CDH23: variants seen among roughly 807,000 people sequenced by gnomAD.
CDH23 encodes the protein cadherin-23.
A neutral mutation model predicts 317.1 loss-of-function variants in CDH23; 189 were observed. That is an observed-to-expected ratio of 0.60 (90% CI 0.53 to 0.67). The LOEUF (loss-of-function observed/expected upper bound fraction) is 0.67. CDH23 is among the 30% of genes least tolerant of loss of function. CDH23 has a pLI of 0.00. For missense variants in CDH23, 4,401 were observed against 4,592.4 expected, an observed-to-expected ratio of 0.96 and a Z score of 1.20; for synonymous variants, 1,839 against 1,876.8, an observed-to-expected ratio of 0.98 and a Z score of 0.52.
At position 71,397,294 on chromosome 10, in the gene CDH23, C is replaced by A. The variant is rs113278321; in HGVS notation, c.-30C>A. 5.9e-5 allele frequency: 8 copies of A among 135,332 alleles called. No homozygotes were observed. Among genetic ancestry groups the A allele is most frequent in the South Asian group, 1.3e-4 (1 of 7,552 alleles). 8.4% of individuals were successfully genotyped at this position (135,332 alleles called of 1,614,324 possible). A position where few individuals can be genotyped will look rare whatever the true frequency, so the allele number is the denominator to read the frequency against. Reference sequence around the variant, plus strand: ...GCAGAGCCCGAGGCGAGGCGAGGCGCGGCGCCGCTGCACACACGCACACGG... The same window carrying A: ...GCAGAGCCCGAGGCGAGGCGAGGCGAGGCGCCGCTGCACACACGCACACGG... On this transcript the variant is annotated 5_prime_UTR_variant, in exon 1 of 70. Transcript: ENST00000224721. This position sits in a 1 kb window ranked among gnomAD's most constrained non-coding sequence, Gnocchi z 4.8.
At chr10:71,541,326 G>A (rs969838037) in intron 6 of CDH23, among the ~76,000 whole-genome samples, 3 of 152,156 alleles carry the variant, frequency 2.0e-5, no homozygotes, top group South Asian at 2.1e-4. Context: ...ACAGCCACAC[G>A]GTCACCTGCC....
intron 1 of CDH23, among the ~76,000 whole-genome samples, chr10:71,427,713 C>CTT (rs1287974246): frequency 3.7e-5 from 5 of 133,770 alleles, no homozygotes; most frequent in Non-Finnish European, 1.6e-5. Flanking sequence ...TCTATGCTTA[C>CTT]TTTTTTTTTT....
chr10:71,531,279 C>G (rs1855361207), intron 6 of CDH23, among the ~76,000 whole-genome samples: 1 of 152,166 alleles, frequency 6.6e-6, no homozygotes, highest in Non-Finnish European at 1.5e-5. Flanking sequence ...CAAGACTCCC[C>G]CAGCTGCGGA....
At chr10:71,528,726 A>G (rs1855185252) in intron 6 of CDH23, among the ~76,000 whole-genome samples, 1 of 152,186 alleles carries the variant, frequency 6.6e-6, no homozygotes, top group Admixed American at 6.5e-5. Context: ...AGGCCCCCAG[A>G]ACCCTGTTCC....
chr10:71,633,150 TC>T (rs2132557632), intron 11 of CDH23, among the ~76,000 whole-genome samples: 2 of 152,098 alleles, frequency 1.3e-5, no homozygotes, highest in East Asian at 3.9e-4. Context: ...ATTAGTCCAT[TC>T]ATGGGTGCAG....
chr10:71,712,435 T>C (rs556052974), intron 27 of CDH23: 8 of 524,566 alleles, frequency 1.5e-5, no homozygotes, highest in African/African-American at 1.5e-4. Flanking sequence ...ATGGGGTTGC[T>C]GTGAGGACTG....
At chr10:71,792,852 A>T (rs7898948) in intron 47 of CDH23, among the ~76,000 whole-genome samples, 2,011 of 32,950 alleles carry the variant, frequency 0.061, 213 homozygotes, top group African/African-American at 0.17. Flanking sequence ...AAAAAAAAAA[A>T]ATATATATAT....
chr10:71,795,063 T>A (rs1841362597), intron 48 of CDH23, among the ~76,000 whole-genome samples: 1 of 152,148 alleles, frequency 6.6e-6, no homozygotes, highest in Non-Finnish European at 1.5e-5. Flanking sequence ...TGGGATGAGA[T>A]ATATGCCACA....
At chr10:71,752,204 C>T (rs778134160) in intron 38 of CDH23, 197 of 434,136 alleles carry the variant, frequency 4.5e-4, no homozygotes, top group Non-Finnish European at 8.1e-4. Context: ...TCTCTTTGGT[C>T]AATAGAGTTG....
intron 6 of CDH23, among the ~76,000 whole-genome samples, chr10:71,540,638 A>C (rs1241747258): frequency 6.6e-6 from 1 of 152,094 alleles, no homozygotes; most frequent in Non-Finnish European, 1.5e-5. Flanking sequence ...GGGCTAGAGA[A>C]GGTCAGCTCA....
chr10:71,812,459 CT>C lies in CDH23; in HGVS notation c.9381-17del. Reference sequence around the variant, plus strand: ...CTCGAGCCTTCCCTCCCTCCCCACCCTTTTCCCTCCCCAACTGCAGAGCCAA... The same window carrying C: ...CTCGAGCCTTCCCTCCCTCCCCACCCTTTCCCTCCCCAACTGCAGAGCCAA... On this transcript the variant is annotated intron_variant, in intron 66 of 69. Coordinates refer to ENST00000224721, the MANE Select transcript of CDH23 (RefSeq NM_022124.6). The C allele has an allele frequency of 6.2e-7, 1 of 1,612,368 alleles. No homozygotes were observed. The highest frequency in any genetic ancestry group is 8.5e-7 in the Non-Finnish European group (1 of 1,179,068).
chr10:71,435,341 G>T (rs1380576453), intron 1 of CDH23, among the ~76,000 whole-genome samples: 1 of 152,170 alleles, frequency 6.6e-6, no homozygotes, highest in Non-Finnish European at 1.5e-5. Flanking sequence ...TCTCCTGATG[G>T]CCCTGGGCAG....
chr10:71,626,445 A>T (rs1861740250), intron 11 of CDH23, among the ~76,000 whole-genome samples: 1 of 152,184 alleles, frequency 6.6e-6, no homozygotes, highest in Non-Finnish European at 1.5e-5. Context: ...TCACGTGTTC[A>T]GCTGAGGGTC....
intron 9 of CDH23, among the ~76,000 whole-genome samples, chr10:71,591,839 G>A (rs1357173560): frequency 1.3e-5 from 2 of 152,044 alleles, no homozygotes; most frequent in Non-Finnish European, 2.9e-5. Context: ...GCTCTCTGTT[G>A]GATGGAATGG....
chr10:71,430,752 G>A (rs980779914), intron 1 of CDH23, among the ~76,000 whole-genome samples: 3 of 152,098 alleles, frequency 2.0e-5, no homozygotes, highest in Middle Eastern at 3.2e-3. Flanking sequence ...CCTGGGAGGC[G>A]GAGGTTGCAG....
At chr10:71,543,089 G>A (rs77854105) in intron 6 of CDH23, among the ~76,000 whole-genome samples, 35 of 152,356 alleles carry the variant, frequency 2.3e-4, no homozygotes, top group Non-Finnish European at 3.5e-4. Context: ...AGAACAGCCC[G>A]AATGCACAGA....
intron 28 of CDH23, chr10:71,716,119 C>G (rs1432397870): frequency 6.5e-7 from 1 of 1,548,878 alleles, no homozygotes. Flanking sequence ...GGGGCATGCA[C>G]TCGTGAGCCC....
At chr10:71,689,640 A>G (rs1014568307) in intron 19 of CDH23, among the ~76,000 whole-genome samples, 2 of 152,172 alleles carry the variant, frequency 1.3e-5, no homozygotes, top group African/African-American at 2.4e-5. Flanking sequence ...AGCCCAGTGG[A>G]GCTCCCTGTG....
intron 1 of CDH23, among the ~76,000 whole-genome samples, chr10:71,436,582 G>A (rs988375315): frequency 4.6e-5 from 7 of 152,200 alleles, no homozygotes; most frequent in Non-Finnish European, 7.3e-5. Context: ...CAATGTCCTC[G>A]TCTGTAAAAT....
Sources: gnomAD v4.1 joint callset for allele counts (sites outside exome capture counted in the v4.1 genomes callset) on GRCh38, gnomAD v4.1.1 for gene constraint, Gnocchi (gnomAD v3.1) non-coding constraint, MANE v1.5 for transcripts, NCBI Gene and HGNC (gene_info 2026-07-23, HGNC 2026-07-21) for gene names.